The following PREX1 variants were observed in gnomAD, a reference collection of about 807,000 sequenced individuals.
PREX1 encodes the protein phosphatidylinositol 3,4,5-trisphosphate-dependent Rac exchanger 1 protein.
PREX1 carries 41 observed loss-of-function variants against 198.3 expected under a neutral mutation model. That is an observed-to-expected ratio of 0.21 (90% CI 0.16 to 0.27). PREX1 has a LOEUF of 0.27. Among genes scored for constraint, PREX1 ranks in the 10% least tolerant of loss-of-function variants. The pLI is 1.00. For synonymous variants in PREX1, 843 were observed against 887.2 expected (o/e 0.95, Z 0.89); for missense variants, 1,620 against 2,200.7 (o/e 0.74, Z 5.28).
At chr20:48,639,147 G>A (rs2050948952) in intron 30 of PREX1, among the ~76,000 whole-genome samples, 4 of 152,368 alleles carry the variant, frequency 2.6e-5, no homozygotes, top group Admixed American at 6.5e-5. Context: ...CCAAGCCACA[G>A]GGAGTGGTGG....
At chr20:48,882,809 A>G in the PREX1 span, among the ~76,000 whole-genome samples, 2 of 151,776 alleles carry the variant, frequency 1.3e-5, no homozygotes, top group Admixed American at 1.3e-4. Flanking sequence ...TTGTGGCTTT[A>G]ATTTGCATTT....
intron 1 of PREX1, among the ~76,000 whole-genome samples, chr20:48,812,844 T>C (rs1240356023): frequency 6.6e-6 from 1 of 152,212 alleles, no homozygotes; most frequent in Non-Finnish European, 1.5e-5. Flanking sequence ...GGAGAGCATT[T>C]AGCAGTGACA....
chr20:48,800,787 T>A (rs1056830542), intron 1 of PREX1, among the ~76,000 whole-genome samples: 1 of 152,100 alleles, frequency 6.6e-6, no homozygotes, highest in African/African-American at 2.4e-5. Flanking sequence ...TTAACATACA[T>A]GACACATGAC....
chr20:48,714,064 A>G (rs2089950284), intron 5 of PREX1, among the ~76,000 whole-genome samples: 1 of 152,230 alleles, frequency 6.6e-6, no homozygotes, highest in South Asian at 2.1e-4. Context: ...CCCCTTCCTC[A>G]TGCCACACAC....
chr20:48,842,967 G>A, the PREX1 span, among the ~76,000 whole-genome samples: 1 of 152,106 alleles, frequency 6.6e-6, no homozygotes, highest in African/African-American at 2.4e-5. Context: ...CTAGCACAGA[G>A]CCTGGCACCA....
chr20:48,660,181 T>G, intron 15 of PREX1, 120 bp from the exon 16 acceptor site: 1 of 1,216,336 alleles, frequency 8.2e-7, no homozygotes, highest in Non-Finnish European at 1.2e-6. Flanking sequence ...TGGCAAACAC[T>G]ATTCTATTAA....
chr20:48,733,670 C>T (rs961515298), intron 4 of PREX1, among the ~76,000 whole-genome samples: 1 of 124,718 alleles, frequency 8.0e-6, no homozygotes, highest in African/African-American at 3.0e-5. Flanking sequence ...GTCTTAAACT[C>T]CCCAGAAAAG....
chr20:48,689,035 C>T (rs1312515090), intron 9 of PREX1, among the ~76,000 whole-genome samples: 1 of 152,208 alleles, frequency 6.6e-6, no homozygotes, highest in Non-Finnish European at 1.5e-5. Flanking sequence ...AAAGTTGAGA[C>T]CCAGAGAGGT....
chr20:48,704,808 G>A (rs984877568), intron 6 of PREX1, among the ~76,000 whole-genome samples: 8 of 152,064 alleles, frequency 5.3e-5, no homozygotes, highest in Non-Finnish European at 1.2e-4. Context: ...CACCTGCCTC[G>A]GCCTCCCACA....
the PREX1 span, among the ~76,000 whole-genome samples, chr20:48,882,425 C>A: frequency 7.2e-6 from 1 of 139,790 alleles, no homozygotes; most frequent in Admixed American, 7.8e-5. Context: ...TGGCGTGAAC[C>A]CAGGAGGTGG....
At chr20:48,673,339 T>C (rs771461588) in intron 14 of PREX1, among the ~76,000 whole-genome samples, 1 of 152,180 alleles carries the variant, frequency 6.6e-6, no homozygotes, top group Non-Finnish European at 1.5e-5. Flanking sequence ...TCCCAGCCAT[T>C]CCCACAGCAG....
At chr20:48,634,145 T>TGGGG in intron 33 of PREX1, among the ~76,000 whole-genome samples, 1 of 123,098 alleles carries the variant, frequency 8.1e-6, no homozygotes, top group Admixed American at 8.3e-5. Context: ...CATGGGTGGG[T>TGGGG]GGATGGATGG....
chr20:48,851,083 C>G, the PREX1 span, among the ~76,000 whole-genome samples: 1 of 152,168 alleles, frequency 6.6e-6, no homozygotes, highest in Non-Finnish European at 1.5e-5. Flanking sequence ...CTTTGTTTAC[C>G]TATTGTCTGT....
chr20:48,671,141 C>A (rs1359788253), intron 14 of PREX1, among the ~76,000 whole-genome samples: 1 of 152,220 alleles, frequency 6.6e-6, no homozygotes, highest in African/African-American at 2.4e-5. Context: ...AATCTCGGTT[C>A]TCTTCCCCAG....
chr20:48,723,386 G>A (rs954677952), intron 5 of PREX1, among the ~76,000 whole-genome samples: 3 of 152,210 alleles, frequency 2.0e-5, no homozygotes, highest in South Asian at 2.1e-4. Flanking sequence ...CCGGAGGTGG[G>A]GGGGACAGAA....
At chr20:48,840,062 T>G in the PREX1 span, among the ~76,000 whole-genome samples, 1 of 152,256 alleles carries the variant, frequency 6.6e-6, no homozygotes, top group African/African-American at 2.4e-5. Context: ...TTGCCCAGGC[T>G]GGAGTGCAGT....
At chr20:48,789,946 AAAG>A (rs2090330736) in intron 1 of PREX1, among the ~76,000 whole-genome samples, 3 of 152,052 alleles carry the variant, frequency 2.0e-5, no homozygotes, top group Admixed American at 6.6e-5. Flanking sequence ...GAAGGGGAGG[AAAG>A]AAGGAGAAAA....
In PREX1 at chr20:48,650,907, G is replaced by A. The variant is rs1197607003; in HGVS notation, c.2804C>T (p.Ala935Val). The A allele has an allele frequency of 1.2e-6, 2 of 1,614,160 alleles. No homozygotes were observed. Among genetic ancestry groups the A allele is most frequent in the Non-Finnish European group, 1.7e-6 (2 of 1,180,028 alleles). Residue 935 changes from alanine (A) to valine (V), a missense_variant, in exon 23 of 40, where the codon GCC becomes GTC. By Grantham distance (64) the Ala-to-Val change is moderately conservative. Transcript: ENST00000371941. ...GCACGCAGGCACCTCCTGGTAGCAG[G>A]CAATCCTCTGGCCAATGCTCTCCAG... ...TKLESIGQRI[A>V]CYQEFAAQLK...
At chr20:48,813,009 C>T (rs1465853309) in intron 1 of PREX1, among the ~76,000 whole-genome samples, 2 of 152,222 alleles carry the variant, frequency 1.3e-5, no homozygotes, top group Non-Finnish European at 2.9e-5. Context: ...AAAATGAGCG[C>T]AGTAACTGCA....
Sources: gnomAD v4.1 joint callset for allele counts (sites outside exome capture counted in the v4.1 genomes callset) on GRCh38, gnomAD v4.1.1 for gene constraint, MANE v1.5 for transcripts, NCBI Gene and HGNC (gene_info 2026-07-23, HGNC 2026-07-21) for gene names.